CNPY3: variants seen among roughly 807,000 people sequenced by gnomAD.
CNPY3 encodes canopy FGF signaling regulator 3, also known as protein canopy homolog 3.
Under a neutral mutation model 32.0 loss-of-function variants are expected in CNPY3, and 20 were observed. The ratio of observed to expected loss-of-function variants is 0.63; its 90% CI spans 0.44 to 0.91. The LOEUF is 0.91. Ranked by LOEUF, CNPY3 falls within the 40% of genes least tolerant of loss-of-function variation. CNPY3 has a pLI of 0.00. For synonymous variants in CNPY3, 138 were observed against 142.9 expected, an observed-to-expected ratio of 0.97 and a Z score of 0.24; for missense variants, 299 against 340.8, an observed-to-expected ratio of 0.88 and a Z score of 0.97.
chr6:42,928,980 T>G (rs1767542694), upstream of CNPY3, among the ~76,000 whole-genome samples: 1 of 152,160 alleles, frequency 6.6e-6, no homozygotes, highest in Non-Finnish European at 1.5e-5. Flanking sequence ...GGGGACAGTT[T>G]GAGTCGTCCT....
intron 1 of CNPY3, 93 bp downstream of exon 1, chr6:42,929,814 G>T (rs767452056): frequency 4.3e-6 from 6 of 1,387,178 alleles, no homozygotes; most frequent in Non-Finnish European, 4.8e-6. Flanking sequence ...GCAAGGTTCC[G>T]AGCTCTGCAG....
Position 42,939,199 on chromosome 6 carries a change from G to C in CNPY3, c.*408G>C, listed in dbSNP as rs962098506. On this transcript the variant is annotated 3_prime_UTR_variant, in exon 6 of 6. Coordinates refer to ENST00000372836, the MANE Select transcript of CNPY3 (RefSeq NM_006586.5). The stretch of plus-strand genomic sequence containing the variant: ...TAGCTCCTCTCTGCTTACCCCTCCT[G>C]TGGACACCTTGCACTCTGCCTGGCC... The C allele has an allele frequency of 8.9e-6, 9 of 1,006,370 alleles. No homozygotes were observed. Among genetic ancestry groups the C allele is most frequent in the Admixed American group, 1.2e-4 (2 of 17,386 alleles). The allele number at this position is 1,006,370 out of a possible 1,614,324, so 62.3% of individuals were successfully genotyped here.
chr6:42,929,728 A>G lies in CNPY3; in HGVS notation c.151+7A>G. 6.5e-7 allele frequency: 1 copy of G among 1,543,074 alleles called. No homozygotes were observed. Among genetic ancestry groups the G allele is most frequent in the Non-Finnish European group, 8.8e-7 (1 of 1,142,300 alleles). On this transcript the variant is annotated splice_region_variant and intron_variant, in intron 1 of 5. Coordinates refer to ENST00000372836, the MANE Select transcript of CNPY3 (RefSeq NM_006586.5). ...CTGCCCAGCAAATGCGAAGGTGAGG[A>G]GGCGGGGCCCGTGGGGCGTATCCTG...
Position 42,937,774 on chromosome 6 carries a change from G to C in CNPY3, c.430G>C (p.Val144Leu), listed in dbSNP as rs756941200. The change falls in exon 4 of 6, where the codon GTG becomes CTG. Residue 144 changes from valine to leucine, a missense_variant. Around this residue, in one of 2 missense-constraint regions of CNPY3, gnomAD observed 211 missense variants for 278.3 expected, o/e 0.76. Coordinates refer to ENST00000372836, the MANE Select transcript of CNPY3 (RefSeq NM_006586.5). ...CCTGGTACACAAAGGGGTCAAGGTG[G>C]TGATGGACATCCCCTATGAGCTGTG... ...HNLVHKGVKV[V>L]MDIPYELWNE... 1.2e-6 allele frequency: 2 copies of C among 1,614,142 alleles called. No homozygotes were observed. Among genetic ancestry groups the C allele is most frequent in the East Asian group, 4.5e-5 (2 of 44,884 alleles).
chr6:42,938,485 C>T, intron 5 of CNPY3, 83 bp from the exon 6 acceptor site: 1 of 1,328,732 alleles, frequency 7.5e-7, no homozygotes, highest in Non-Finnish European at 1.0e-6. Context: ...TTGCTACTCC[C>T]ACGGCTCCCT....
At chr6:42,928,624 T>C (rs1223287948), upstream of CNPY3, among the ~76,000 whole-genome samples, 1 of 152,192 alleles carries the variant, frequency 6.6e-6, no homozygotes, top group East Asian at 1.9e-4. Flanking sequence ...GAGTATCTCC[T>C]TGTGCCAGGC....
At position 42,929,710 on chromosome 6, in the gene CNPY3, G is replaced by A. The variant is rs557189734; in HGVS notation, c.140G>A (p.Ser47Asn). 14 of 1,547,050 alleles carry A rather than the reference G, an allele frequency of 9.0e-6. No individual in the cohort carries two copies. The African/African-American group carries it at 1.2e-4, about 14-fold the overall frequency. Residue 47 changes from serine (S) to asparagine (N), a missense_variant, in exon 1 of 6, where the codon AGC (serine) becomes AAC (asparagine). By Grantham distance (46) the Ser-to-Asn change is conservative (BLOSUM62 1). Transcript: ENST00000372836. ...AEENDWVRLPSKCEVCKYVAV... is the reference protein window; with the variant it reads ...AEENDWVRLPNKCEVCKYVAV... ...GAGAACGACTGGGTTCGCCTGCCCA[G>A]CAAATGCGAAGGTGAGGAGGCGGGG...
upstream of CNPY3, among the ~76,000 whole-genome samples, chr6:42,928,148 C>T (rs1228850553): frequency 3.3e-5 from 5 of 151,392 alleles, no homozygotes; most frequent in Non-Finnish European, 5.9e-5. Flanking sequence ...CCACCACGCC[C>T]GGCTAACTTT....
Position 42,938,581 on chromosome 6 carries a change from G to A in CNPY3, c.627G>A (p.Glu209=). 7 of 1,589,960 alleles carry A rather than the reference G, an allele frequency of 4.4e-6. No individual in the cohort carries two copies. Among genetic ancestry groups the A allele is most frequent in the East Asian group, 2.3e-5 (1 of 44,260 alleles). ...TCCACACCCTAGGTTGCCTGGCAGA[G>A]CAGTGGTCCGGCAAGAAGGGAGACA... ...LKGKDTSCLA[E]QWSGKKGDTA... Residue 209 remains glutamate (E), a synonymous_variant, in exon 6 of 6, where the codon GAG becomes GAA. Coordinates refer to ENST00000372836, the MANE Select transcript of CNPY3 (RefSeq NM_006586.5).
chr6:42,938,043 G>A (rs1258413560), intron 4 of CNPY3, 47 bp from the exon 5 acceptor site: 8 of 1,555,042 alleles, frequency 5.1e-6, no homozygotes, highest in African/African-American at 1.4e-5. Flanking sequence ...CTCTAGGAGC[G>A]AGTCAGGTGC....
In CNPY3 at chr6:42,938,107, A is replaced by G. The variant is rs375017659; in HGVS notation, c.513A>G (p.Glu171=). 3.1e-6 allele frequency: 5 copies of G among 1,613,730 alleles called. No individual in the cohort carries two copies. The highest frequency in any genetic ancestry group is 4.2e-6 in the Non-Finnish European group (5 of 1,179,644). Residue 171 remains glutamate, a synonymous_variant, in exon 5 of 6, where the codon GAA becomes GAG. Transcript: ENST00000372836. ...DLKKQCDVLV[E]EFEEVIEDWY... ...ATTAACAGTGTGATGTGCTGGTGGAAGAGTTTGAGGAGGTGATCGAGGACT... is the reference window on the plus strand; with the variant it reads ...ATTAACAGTGTGATGTGCTGGTGGAGGAGTTTGAGGAGGTGATCGAGGACT...
In CNPY3 at chr6:42,939,159, GACT is replaced by G; in HGVS notation, c.*369_*371del. ...TCAGTCCTCCCCAACAGGGTACTAGGACTGCAGCCCCCTGTAGCTCCTCTCTGC... is the reference window on the plus strand; with the variant it reads ...TCAGTCCTCCCCAACAGGGTACTAGGGCAGCCCCCTGTAGCTCCTCTCTGC... On this transcript the variant is annotated 3_prime_UTR_variant, in exon 6 of 6. Transcript: ENST00000372836. The G allele has an allele frequency of 1.9e-6, 2 of 1,049,678 alleles. No homozygotes were observed. The highest frequency in any genetic ancestry group is 2.3e-6 in the Non-Finnish European group (2 of 871,482). 65.0% of individuals were successfully genotyped at this position (1,049,678 alleles called of 1,614,324 possible).
intron 1 of CNPY3, 112 bp downstream of exon 1, chr6:42,929,833 C>T (rs1200735990): frequency 7.8e-7 from 1 of 1,280,528 alleles, no homozygotes; most frequent in Non-Finnish European, 1.0e-6. Flanking sequence ...AGGGTGTCTT[C>T]CTTCCTTGAA....
At chr6:42,935,025 C>A (rs1263019551) in intron 2 of CNPY3, among the ~76,000 whole-genome samples, 2 of 152,080 alleles carry the variant, frequency 1.3e-5, no homozygotes, top group East Asian at 3.9e-4. Context: ...CCATCACGCC[C>A]AGCTAATTTT....
upstream of CNPY3, among the ~76,000 whole-genome samples, chr6:42,928,470 G>A (rs1426813615): frequency 6.6e-6 from 1 of 151,476 alleles, no homozygotes; most frequent in Non-Finnish European, 1.5e-5. Flanking sequence ...TCTTTGTTGA[G>A]ACAGGGTCTC....
upstream of CNPY3, among the ~76,000 whole-genome samples, chr6:42,928,789 A>G (rs902190996): frequency 2.0e-5 from 3 of 152,224 alleles, no homozygotes; most frequent in African/African-American, 7.2e-5. Flanking sequence ...ACTTTTTACA[A>G]TCTGCTCGAT....
chr6:42,933,942 G>A (rs1253169082), intron 1 of CNPY3, among the ~76,000 whole-genome samples: 1 of 152,134 alleles, frequency 6.6e-6, no homozygotes, highest in African/African-American at 2.4e-5. Context: ...AGGCCGAGGT[G>A]GGCGGATCGC....
chr6:42,928,984 T>G (rs2114144034), upstream of CNPY3, among the ~76,000 whole-genome samples: 1 of 152,206 alleles, frequency 6.6e-6, no homozygotes, highest in Non-Finnish European at 1.5e-5. Context: ...ACAGTTTGAG[T>G]CGTCCTGCTT....
intron 3 of CNPY3, among the ~76,000 whole-genome samples, 193 bp from the exon 4 acceptor site, chr6:42,937,524 G>T (rs1768315850): frequency 1.3e-5 from 2 of 152,026 alleles, no homozygotes; most frequent in East Asian, 1.9e-4. Context: ...AACCTGGGAG[G>T]CAGAGGTTGC....
Sources: allele counts gnomAD v4.1 joint callset (sites outside exome capture counted in the v4.1 genomes callset), GRCh38; gene constraint gnomAD v4.1.1; regional missense constraint gnomAD v4.1.1; transcripts MANE v1.5; gene names NCBI Gene and HGNC (gene_info 2026-07-23, HGNC 2026-07-21).